PUS10: variants seen among roughly 807,000 people sequenced by gnomAD.
PUS10 encodes pseudouridine synthase 10.
Under a neutral mutation model 75.0 loss-of-function variants are expected in PUS10, and 59 were observed. That is an observed-to-expected ratio of 0.79 (90% CI 0.64 to 0.98). The LOEUF (loss-of-function observed/expected upper bound fraction) is 0.98, where lower values mean the gene tolerates loss of function less well. PUS10 is among the 50% of genes least tolerant of loss of function. The pLI is 0.00. For missense variants in PUS10, 650 were observed against 614.4 expected (o/e 1.06, Z -0.61); for synonymous variants, 219 against 211.6 (o/e 1.03, Z -0.30).
chr2:61,008,917 T>A lies in PUS10; in HGVS notation c.225A>T (p.Glu75Asp). ...NPPPKKIRLQELEDSIDNLSQ... is the reference protein window; with the variant it reads ...NPPPKKIRLQDLEDSIDNLSQ... ...TTAGATTATCAATACTATCTTCCAG[T>A]TCTTGCAGTCGAATTTTCTTGGGAG... Residue 75 changes from glutamate (E) to aspartate (D), a missense_variant, in exon 3 of 18, where the codon GAA becomes GAT. By Grantham distance (45) the Glu-to-Asp change is conservative. Transcript: ENST00000316752. The A allele has an allele frequency of 6.2e-7, 1 of 1,613,902 alleles. No homozygotes were observed. The highest frequency in any genetic ancestry group is 1.3e-5 in the African/African-American group (1 of 75,040).
chr2:60,952,422 AG>A (rs1447263504), intron 15 of PUS10, among the ~76,000 whole-genome samples: 2 of 152,136 alleles, frequency 1.3e-5, no homozygotes, highest in East Asian at 3.8e-4. Flanking sequence ...GCACATGAAC[AG>A]GCACTCTACC....
At chr2:60,999,336 T>C (rs911060267) in intron 4 of PUS10, among the ~76,000 whole-genome samples, 4 of 152,066 alleles carry the variant, frequency 2.6e-5, no homozygotes, top group Admixed American at 2.6e-4. Context: ...ATAACCACTA[T>C]AGGGCCGGGT....
Position 60,948,060 on chromosome 2 carries a change from C to T in PUS10, c.1434G>A (p.Leu478=), listed in dbSNP as rs1242781575. ...AAGGATACGTGCCAGCCTGAGTTTT[C>T]AAGTGGAGGCGGAAGTGGTGCTCAT... ...YVDEHHFRLH[L]KTQAGTYIKE... Residue 478 remains leucine, a synonymous_variant, in exon 16 of 18, where the codon TTG becomes TTA. Coordinates refer to ENST00000316752, the MANE Select transcript of PUS10 (RefSeq NM_144709.4). The T allele has an allele frequency of 3.1e-6, 5 of 1,613,936 alleles. No individual in the cohort carries two copies. The highest frequency in any genetic ancestry group is 2.7e-5 in the African/African-American group (2 of 74,884).
At chr2:60,963,594 C>T (rs1263483969) in intron 8 of PUS10, among the ~76,000 whole-genome samples, 2 of 152,176 alleles carry the variant, frequency 1.3e-5, no homozygotes, top group Admixed American at 6.5e-5. Context: ...TCACATTTGA[C>T]TGAAAAGGAT....
intron 10 of PUS10, among the ~76,000 whole-genome samples, 182 bp downstream of exon 10, chr2:60,961,281 G>C (rs1676010518): frequency 6.6e-6 from 1 of 152,130 alleles, no homozygotes; most frequent in African/African-American, 2.4e-5. Flanking sequence ...GATCTCCTAA[G>C]TGATCCTTTA....
chr2:60,954,520 T>C (rs1675533742), intron 12 of PUS10, among the ~76,000 whole-genome samples: 1 of 152,168 alleles, frequency 6.6e-6, no homozygotes, highest in Non-Finnish European at 1.5e-5. Flanking sequence ...CCTGATCCAC[T>C]AGTGAAATGG....
intron 1 of PUS10, chr2:61,017,710 G>A (rs1358458200): frequency 2.1e-6 from 3 of 1,455,404 alleles, no homozygotes; most frequent in East Asian, 2.5e-5. Context: ...TGGTCTACGC[G>A]GGCCTGGACA....
At chr2:60,943,036 G>GAAAAAAAAAAAAAAAAAAAA (rs1163561504) in intron 17 of PUS10, among the ~76,000 whole-genome samples, 1 of 78,414 alleles carries the variant, frequency 1.3e-5, no homozygotes, top group African/African-American at 5.0e-5. Flanking sequence ...ATCTATCTCA[G>GAAAAAAAAAAAAAAAAAAAA]AAAAAAAAAA....
At chr2:61,003,087 G>T (rs984557461) in intron 4 of PUS10, among the ~76,000 whole-genome samples, 1 of 152,140 alleles carries the variant, frequency 6.6e-6, no homozygotes, top group South Asian at 2.1e-4. Context: ...AGTGGAAAAT[G>T]ATTATTATAC....
intron 4 of PUS10, among the ~76,000 whole-genome samples, chr2:60,978,929 C>A (rs1157229537): frequency 1.3e-5 from 2 of 152,172 alleles, no homozygotes; most frequent in Non-Finnish European, 2.9e-5. Context: ...TCTAAATCAC[C>A]ACCAATGCCC....
intron 1 of PUS10, 107 bp downstream of exon 1, chr2:61,017,901 C>T: frequency 6.6e-7 from 1 of 1,520,198 alleles, no homozygotes; most frequent in Non-Finnish European, 8.9e-7. Context: ...CGAGCGGGGA[C>T]TTGGCAGGAG....
At chr2:61,017,729 T>G (rs1283592074) in intron 1 of PUS10, 2 of 1,533,886 alleles carry the variant, frequency 1.3e-6, no homozygotes, top group Non-Finnish European at 1.8e-6. Context: ...CAGTCAGGGG[T>G]AGGAGCGGGA....
intron 1 of PUS10, among the ~76,000 whole-genome samples, chr2:61,016,973 G>C (rs954832044): frequency 6.6e-6 from 1 of 152,036 alleles, no homozygotes; most frequent in Non-Finnish European, 1.5e-5. Context: ...TTCATCCCGA[G>C]ATCTAACCTC....
At chr2:60,973,549 GACTTTGGGCACCA>G (rs1267836720) in intron 4 of PUS10, among the ~76,000 whole-genome samples, 1 of 152,262 alleles carries the variant, frequency 6.6e-6, no homozygotes, top group Non-Finnish European at 1.5e-5. Flanking sequence ...GCCCCCTGTA[GACTTTGGGCACCA>G]ACAAGTACGG....
intron 1 of PUS10, among the ~76,000 whole-genome samples, chr2:61,016,168 C>A (rs1679962370): frequency 6.6e-6 from 1 of 152,188 alleles, no homozygotes; most frequent in African/African-American, 2.4e-5. Context: ...TTACAATCTC[C>A]TGGCTCTGAG....
intron 4 of PUS10, among the ~76,000 whole-genome samples, chr2:60,991,409 A>G (rs1391785641): frequency 1.3e-5 from 2 of 152,214 alleles, no homozygotes; most frequent in South Asian, 2.1e-4. Flanking sequence ...AAGAGATACA[A>G]GGAATCCAAG....
At chr2:60,994,043 C>A (rs1054021817) in intron 4 of PUS10, among the ~76,000 whole-genome samples, 3 of 152,056 alleles carry the variant, frequency 2.0e-5, no homozygotes, top group African/African-American at 7.2e-5. Flanking sequence ...CCTGCCTCGG[C>A]CTCCCACAGT....
intron 4 of PUS10, among the ~76,000 whole-genome samples, chr2:60,981,823 G>A (rs1390671935): frequency 2.0e-5 from 3 of 152,036 alleles, no homozygotes; most frequent in Non-Finnish European, 4.4e-5. Flanking sequence ...AAACTCCACT[G>A]TATACTCTTA....
intron 4 of PUS10, among the ~76,000 whole-genome samples, chr2:60,976,535 C>T (rs985548602): frequency 3.9e-5 from 6 of 152,336 alleles, no homozygotes; most frequent in Middle Eastern, 3.4e-3. Flanking sequence ...TAAAGTAGGG[C>T]GGAACTGGAG....
Sources: gnomAD v4.1 joint callset for allele counts (sites outside exome capture counted in the v4.1 genomes callset) on GRCh38, gnomAD v4.1.1 for gene constraint, MANE v1.5 for transcripts, NCBI Gene and HGNC (gene_info 2026-07-23, HGNC 2026-07-21) for gene names.